ABLIM1: variants seen among roughly 807,000 people sequenced by gnomAD.
ABLIM1 encodes the protein actin-binding LIM protein 1.
ABLIM1 carries 40 observed loss-of-function variants against 107.0 expected under a neutral mutation model. That is an observed-to-expected ratio of 0.37 (90% CI 0.29 to 0.49). ABLIM1 has a LOEUF of 0.49. Ranked by LOEUF, ABLIM1 falls within the 20% of genes least tolerant of loss-of-function variation. The pLI is 0.97. For missense variants in ABLIM1, 857 were observed against 1,008.5 expected, an observed-to-expected ratio of 0.85 and a Z score of 2.04; for synonymous variants, 357 against 357.3, an observed-to-expected ratio of 1.00 and a Z score of 0.01.
chr10:114,536,137 G>A (rs1445768276), intron 6 of ABLIM1, among the ~76,000 whole-genome samples: 4 of 149,500 alleles, frequency 2.7e-5, no homozygotes, highest in Non-Finnish European at 4.4e-5. Flanking sequence ...CTTACTGCCT[G>A]TCTCTGTGGA....
At chr10:114,787,695 G>A in the ABLIM1 span, among the ~76,000 whole-genome samples, 10 of 72,596 alleles carry the variant, frequency 1.4e-4, no homozygotes, top group Admixed American at 2.7e-4. Flanking sequence ...CACCCCGTCC[G>A]GGAGGGAGGT....
intron 1 of ABLIM1, among the ~76,000 whole-genome samples, chr10:114,623,649 G>GTGTT (rs985841184): frequency 6.6e-6 from 1 of 152,212 alleles, no homozygotes; most frequent in African/African-American, 2.4e-5. Context: ...TATCTGGGAA[G>GTGTT]TGTTAGAAAT....
the ABLIM1 span, among the ~76,000 whole-genome samples, chr10:114,789,834 G>A: frequency 6.7e-6 from 1 of 150,116 alleles, no homozygotes; most frequent in African/African-American, 2.5e-5. Context: ...CTATCCCCCA[G>A]GCTGAAGTGC....
At chr10:114,668,781 T>C (rs1335185765) in intron 1 of ABLIM1, among the ~76,000 whole-genome samples, 2 of 152,152 alleles carry the variant, frequency 1.3e-5, no homozygotes, top group Admixed American at 6.5e-5. Flanking sequence ...TAATTTCAGA[T>C]GTAATAAGAA....
intron 1 of ABLIM1, among the ~76,000 whole-genome samples, chr10:114,636,607 AC>A (rs1235801953): frequency 3.9e-5 from 6 of 152,240 alleles, no homozygotes; most frequent in Non-Finnish European, 8.8e-5. Flanking sequence ...TGTCTCACAC[AC>A]ACAGTATTTT....
rs1565174767 is a variant in ABLIM1, at chr10:114,435,273, T to C, written c.*987A>G. 1 of 152,244 alleles carries C rather than the reference T, an allele frequency of 6.6e-6. No homozygotes were observed. Among genetic ancestry groups the C allele is most frequent in the Non-Finnish European group, 1.5e-5 (1 of 68,044 alleles). The allele number at this position is 152,244 out of a possible 1,614,324, so 9.4% of individuals were successfully genotyped here. The stretch of plus-strand genomic sequence containing the variant: ...CAACAACAGCATGGGCTTGATCTGA[T>C]TCATAGGATGCCAGAGAGACAGCAG... On this transcript the variant is annotated 3_prime_UTR_variant, in exon 23 of 23. Transcript: ENST00000533213.
chr10:114,734,274 C>T (rs538294023), intron 1 of ABLIM1, among the ~76,000 whole-genome samples: 3 of 152,286 alleles, frequency 2.0e-5, no homozygotes, highest in East Asian at 3.9e-4. Context: ...TGGTTCTCCA[C>T]CAAATCTCCC....
chr10:114,630,232 C>G (rs1591661783), intron 1 of ABLIM1, among the ~76,000 whole-genome samples: 3 of 152,150 alleles, frequency 2.0e-5, no homozygotes, highest in African/African-American at 4.8e-5. Context: ...ATTCCCTTTC[C>G]CATCACTCAT....
intron 1 of ABLIM1, among the ~76,000 whole-genome samples, chr10:114,620,614 G>C (rs556819615): frequency 6.6e-6 from 1 of 152,016 alleles, no homozygotes; most frequent in African/African-American, 2.4e-5. Context: ...GTTTCACCAT[G>C]TTGCCCAGGC....
chr10:114,588,119 G>C lies in ABLIM1; in HGVS notation c.380-12520C>G, dbSNP rs566800620. Among the ~76,000 whole-genome samples, 3 of 152,220 alleles carry C rather than the reference G, an allele frequency of 2.0e-5. No homozygotes were observed. In the East Asian group the frequency reaches 5.8e-4, roughly 29 times the overall value. On this transcript the variant is annotated intron_variant, in intron 2 of 22. Transcript: ENST00000533213. ...TTATGCTATGCCCCTAGCTTAACCA[G>C]GGTTTTCATCATTGATGATCATTTG...
At chr10:114,692,268 G>A (rs2081095824) in intron 1 of ABLIM1, among the ~76,000 whole-genome samples, 1 of 152,236 alleles carries the variant, frequency 6.6e-6, no homozygotes, top group African/African-American at 2.4e-5. Flanking sequence ...ATGGTCTCAA[G>A]TGAACTAATT....
chr10:114,525,622 G>A (rs2064582489), intron 6 of ABLIM1, among the ~76,000 whole-genome samples: 1 of 152,166 alleles, frequency 6.6e-6, no homozygotes, highest in South Asian at 2.1e-4. Context: ...TTATAGAATG[G>A]CAACAATTAT....
intron 1 of ABLIM1, among the ~76,000 whole-genome samples, chr10:114,755,193 C>A (rs547205738): frequency 6.6e-6 from 1 of 152,172 alleles, no homozygotes; most frequent in African/African-American, 2.4e-5. Flanking sequence ...CTCATGGGAA[C>A]GCAAACCCTA....
chr10:114,631,957 C>A (rs1030865365), intron 1 of ABLIM1: 1 of 1,303,946 alleles, frequency 7.7e-7, no homozygotes, highest in Non-Finnish European at 1.0e-6. Context: ...GAAGAAGGAA[C>A]GAGGAATAAA....
At chr10:114,561,723 T>C (rs1311948519) in intron 4 of ABLIM1, among the ~76,000 whole-genome samples, 1 of 152,256 alleles carries the variant, frequency 6.6e-6, no homozygotes, top group Non-Finnish European at 1.5e-5. Flanking sequence ...ATTCCAGTTC[T>C]ACTGATAAGT....
At chr10:114,480,684 T>C (rs2057219927) in intron 8 of ABLIM1, among the ~76,000 whole-genome samples, 1 of 152,226 alleles carries the variant, frequency 6.6e-6, no homozygotes, top group African/African-American at 2.4e-5. Flanking sequence ...TGAAACCTTA[T>C]TTTGGCAAAA....
At chr10:114,777,000 C>T in the ABLIM1 span, among the ~76,000 whole-genome samples, 2 of 152,132 alleles carry the variant, frequency 1.3e-5, no homozygotes, top group Non-Finnish European at 2.9e-5. Flanking sequence ...ACTTAGGTTG[C>T]ACTTGTCTTT....
intron 1 of ABLIM1, among the ~76,000 whole-genome samples, chr10:114,617,017 A>G (rs2077167271): frequency 1.3e-5 from 2 of 152,242 alleles, no homozygotes; most frequent in Admixed American, 1.3e-4. Flanking sequence ...CTGGTTGCAG[A>G]GCTCTCATTT....
At chr10:114,748,480 T>A (rs2082432831) in intron 1 of ABLIM1, among the ~76,000 whole-genome samples, 1 of 151,898 alleles carries the variant, frequency 6.6e-6, no homozygotes, top group Non-Finnish European at 1.5e-5. Flanking sequence ...TAGCCCTGAG[T>A]CTTCAGAAGG....
Sources: allele counts gnomAD v4.1 joint callset (sites outside exome capture counted in the v4.1 genomes callset), GRCh38; gene constraint gnomAD v4.1.1; transcripts MANE v1.5; gene names NCBI Gene and HGNC (gene_info 2026-07-23, HGNC 2026-07-21).